The following PIEZO2 variants were observed in gnomAD, a reference collection of about 807,000 sequenced individuals.
The protein encoded by PIEZO2 is piezo-type mechanosensitive ion channel component 2.
Under a neutral mutation model 337.3 loss-of-function variants are expected in PIEZO2, and 172 were observed. That is an observed-to-expected ratio of 0.51 (90% CI 0.45 to 0.58). The LOEUF is 0.58. Ranked by LOEUF, PIEZO2 falls within the 20% of genes least tolerant of loss-of-function variation. The pLI is 0.00. For missense variants in PIEZO2, 3,028 were observed against 3,391.3 expected, an observed-to-expected ratio of 0.89 and a Z score of 2.66; for synonymous variants, 1,251 against 1,228.5, an observed-to-expected ratio of 1.02 and a Z score of -0.38.
At position 10,696,023 on chromosome 18, in the gene PIEZO2, A is replaced by T. The variant is rs188951734; in HGVS notation, c.7190+51T>A. On this transcript the variant is annotated intron_variant, in intron 47 of 55. Transcript: ENST00000674853. ...AATGCATGCGAGTATCACCTCAGGA[A>T]ACACAGTTGCATGGAGGCAGGTTGG... is the stretch of plus-strand genomic sequence containing the variant. 5.3e-5 allele frequency: 81 copies of T among 1,532,522 alleles called. No homozygotes were observed. The African/African-American group carries it at 8.5e-4, about 16-fold the overall frequency. 94.9% of individuals were successfully genotyped at this position (1,532,522 alleles called of 1,614,324 possible).
chr18:10,989,159 T>C (rs763685847), intron 2 of PIEZO2, among the ~76,000 whole-genome samples: 1 of 152,148 alleles, frequency 6.6e-6, no homozygotes, highest in African/African-American at 2.4e-5. Context: ...GATATGTTTA[T>C]GGCTTTGATG....
rs887470566 is a variant in PIEZO2, at chr18:11,002,969, G to T, written c.161-23309C>A. 2.0e-5 allele frequency among the ~76,000 whole-genome samples: 3 copies of T among 152,194 alleles called. No individual in the cohort carries two copies. The highest frequency in any genetic ancestry group is 1.3e-4 in the Admixed American group (2 of 15,288). On this transcript the variant is annotated intron_variant, in intron 2 of 55. Coordinates refer to ENST00000674853, the MANE Select transcript of PIEZO2 (RefSeq NM_001378183.1). This position sits in a 1 kb window ranked among gnomAD's most constrained non-coding sequence, Gnocchi z 4.3. Reference sequence around the variant, plus strand: ...AACCAGTGCCACTCAAACAGAGGAAGTGAGGCAAGAGGCGCTCCTGCTACC... The same window carrying T: ...AACCAGTGCCACTCAAACAGAGGAATTGAGGCAAGAGGCGCTCCTGCTACC...
chr18:10,772,302 C>T (rs1217795607), intron 20 of PIEZO2, among the ~76,000 whole-genome samples: 1 of 152,152 alleles, frequency 6.6e-6, no homozygotes, highest in Non-Finnish European at 1.5e-5. Context: ...AATAAATGAG[C>T]ATGATTTAGA....
At chr18:10,804,797 T>C (rs1328631352) in intron 8 of PIEZO2, among the ~76,000 whole-genome samples, 3 of 152,194 alleles carry the variant, frequency 2.0e-5, no homozygotes, top group African/African-American at 7.2e-5. Flanking sequence ...TGGCCGGTAT[T>C]TTTCATTAAA....
At chr18:11,119,197 G>T (rs1389246755) in intron 1 of PIEZO2, among the ~76,000 whole-genome samples, 2 of 149,796 alleles carry the variant, frequency 1.3e-5, no homozygotes, top group Non-Finnish European at 2.9e-5. Context: ...ACCCAGGCTG[G>T]AGTGCAGTGG....
chr18:10,857,091 C>G lies in PIEZO2; in HGVS notation c.613G>C (p.Ala205Pro). Residue 205 changes from alanine to proline, a missense_variant, in exon 6 of 56, where the codon GCC becomes CCC. Ala to Pro is a conservative substitution (Grantham distance 27). This residue lies in a region of PIEZO2 where 542 missense variants were observed against 605.6 expected (regional missense o/e 0.89). Transcript: ENST00000674853. ...STKLKMFRRL[A>P]SVASKLKEFI... is the part of the protein sequence containing the mutation. ...TCCTTGAGCTTAGAGGCCACAGAGG[C>G]AAGCCTGCGGAACATTTTTAACTTC... 6.5e-7 allele frequency: 1 copy of G among 1,537,582 alleles called. No individual in the cohort carries two copies.
At position 11,016,973 on chromosome 18, in the gene PIEZO2, G is replaced by T. The variant is rs1188925794; in HGVS notation, c.161-37313C>A. On this transcript the variant is annotated intron_variant, in intron 2 of 55. Transcript: ENST00000674853. The surrounding 1 kb of genome is among the most constrained non-coding windows in gnomAD (Gnocchi z 5.6). ...TGAGGGAAGTTCAGAGGAGAGCACA[G>T]GATTGAAGGGTCAGGGTTAGAAACA... Among the ~76,000 whole-genome samples, 1 of 152,160 alleles carries T rather than the reference G, an allele frequency of 6.6e-6. No individual in the cohort carries two copies.
intron 53 of PIEZO2, among the ~76,000 whole-genome samples, chr18:10,675,704 TC>T (rs954716092): frequency 3.3e-5 from 5 of 152,162 alleles, no homozygotes; most frequent in Non-Finnish European, 7.4e-5. Context: ...TTTGGTTGTG[TC>T]CCCACCCAAA....
chr18:11,114,074 T>A (rs912623710), intron 1 of PIEZO2, among the ~76,000 whole-genome samples: 1 of 152,234 alleles, frequency 6.6e-6, no homozygotes, highest in African/African-American at 2.4e-5. Flanking sequence ...ATGTTGATAA[T>A]CTTCAAAAAC....
At chr18:10,705,773 G>A in intron 40 of PIEZO2, 27 bp from the exon 41 acceptor site, 1 of 1,489,528 alleles carries the variant, frequency 6.7e-7, no homozygotes, top group Non-Finnish European at 8.9e-7. Context: ...TGGGCACAGA[G>A]CCCATGTCTT....
chr18:11,010,517 A>C (rs2035860471), intron 2 of PIEZO2, among the ~76,000 whole-genome samples: 1 of 152,166 alleles, frequency 6.6e-6, no homozygotes, highest in South Asian at 2.1e-4. Context: ...TGAAACAACA[A>C]ACCACGTCTG....
chr18:10,707,338 T>A lies in PIEZO2; in HGVS notation c.5588+937A>T, dbSNP rs368713626. Among the ~76,000 whole-genome samples the A allele has an allele frequency of 7.0e-4, 106 of 151,938 alleles. 1 individual carries two copies. Among genetic ancestry groups the A allele is most frequent in the African/African-American group, 2.5e-3 (104 of 41,428 alleles). On this transcript the variant is annotated intron_variant, in intron 40 of 55. Coordinates refer to ENST00000674853, the MANE Select transcript of PIEZO2 (RefSeq NM_001378183.1). This position sits in a 1 kb window ranked among gnomAD's most constrained non-coding sequence, Gnocchi z 4.2. ...AGGGTACCTTCAGAGGTCAAGAAAA[T>A]GGACTGGCATGGCAGGCACATGCCC...
At chr18:11,074,233 G>A (rs755350537) in intron 1 of PIEZO2, among the ~76,000 whole-genome samples, 7 of 151,914 alleles carry the variant, frequency 4.6e-5, no homozygotes, top group South Asian at 4.2e-4. Context: ...CATAACGAGC[G>A]ACCATATTCT....
intron 5 of PIEZO2, among the ~76,000 whole-genome samples, chr18:10,866,538 C>G (rs1244074410): frequency 2.0e-5 from 3 of 152,230 alleles, no homozygotes; most frequent in South Asian, 2.1e-4. Flanking sequence ...GCCCACCTTG[C>G]CCTCCCAAAG....
chr18:10,691,927 G>A (rs1406872754), intron 47 of PIEZO2, among the ~76,000 whole-genome samples: 1 of 151,300 alleles, frequency 6.6e-6, no homozygotes, highest in African/African-American at 2.4e-5. Flanking sequence ...GAAACACCTG[G>A]ATTTGGTTCC....
intron 2 of PIEZO2, among the ~76,000 whole-genome samples, chr18:11,040,917 A>T (rs2145806507): frequency 6.6e-6 from 1 of 152,310 alleles, no homozygotes; most frequent in African/African-American, 2.4e-5. Context: ...TTTTCTAGAA[A>T]AATTAGGAAT....
chr18:10,877,927 G>A lies in PIEZO2; in HGVS notation c.330-6512C>T, dbSNP rs115649309. ...TACTGAATGCACGTACCCAGAACGC[G>A]CCAGTGTTTTCCCTCTGAGCAAGTG... On this transcript the variant is annotated intron_variant, in intron 4 of 55. Transcript: ENST00000674853. This position sits in a 1 kb window ranked among gnomAD's most constrained non-coding sequence, Gnocchi z 5.3. 0.021 allele frequency among the ~76,000 whole-genome samples: 3,178 copies of A among 152,070 alleles called. 108 individuals are homozygous for A. The highest frequency in any genetic ancestry group is 0.072 in the African/African-American group (2,967 of 41,454).
At chr18:10,811,608 C>A (rs2040192232) in intron 7 of PIEZO2, among the ~76,000 whole-genome samples, 1 of 152,124 alleles carries the variant, frequency 6.6e-6, no homozygotes, top group Non-Finnish European at 1.5e-5. Flanking sequence ...ATCTCAACAT[C>A]CATGATTTTA....
rs1728013 is a variant in PIEZO2 at position 10,819,449 on chromosome 18, A to G, written c.918-12175T>C. Among the ~76,000 whole-genome samples the G allele has an allele frequency of 0.19, 29,157 of 152,234 alleles. 2,873 individuals are homozygous for G. Among genetic ancestry groups the G allele is most frequent in the Middle Eastern group, 0.26 (76 of 294 alleles). ...AAAGAATAATGCTGAAGATATAAGCATACCAATGTATTCCAAAGACTCAGC... is the reference window on the plus strand; with the variant it reads ...AAAGAATAATGCTGAAGATATAAGCGTACCAATGTATTCCAAAGACTCAGC... On this transcript the variant is annotated intron_variant, in intron 7 of 55. Coordinates refer to ENST00000674853, the MANE Select transcript of PIEZO2 (RefSeq NM_001378183.1). This position sits in a 1 kb window ranked among gnomAD's most constrained non-coding sequence, Gnocchi z 4.3.
Sources: allele counts gnomAD v4.1 joint callset (sites outside exome capture counted in the v4.1 genomes callset), GRCh38; gene constraint gnomAD v4.1.1; regional missense constraint gnomAD v4.1.1; non-coding constraint Gnocchi (gnomAD v3.1); transcripts MANE v1.5; gene names NCBI Gene and HGNC (gene_info 2026-07-23, HGNC 2026-07-21).